FCER1A: variants seen among roughly 807,000 people sequenced by gnomAD.
FCER1A encodes the protein high affinity immunoglobulin epsilon receptor subunit alpha.
A neutral mutation model predicts 23.6 loss-of-function variants in FCER1A; 24 were observed. That is an observed-to-expected ratio of 1.02 (90% CI 0.74 to 1.43). FCER1A has a LOEUF of 1.43. Among genes scored for constraint, FCER1A ranks in the 40% most tolerant of loss-of-function variants. FCER1A has a pLI of 0.00. For missense variants in FCER1A, 318 were observed against 294.5 expected, an observed-to-expected ratio of 1.08 and a Z score of -0.58; for synonymous variants, 121 against 108.8, an observed-to-expected ratio of 1.11 and a Z score of -0.70.
chr1:159,293,324 G>A (rs768320362), intron 1 of FCER1A, among the ~76,000 whole-genome samples: 6 of 151,590 alleles, frequency 4.0e-5, no homozygotes, highest in Admixed American at 3.3e-4. Flanking sequence ...CTCCAATCTC[G>A]TTTTATGCCA....
chr1:159,306,907 G>A (rs1257548450), intron 4 of FCER1A, among the ~76,000 whole-genome samples: 1 of 152,142 alleles, frequency 6.6e-6, no homozygotes, highest in Non-Finnish European at 1.5e-5. Flanking sequence ...GTTTAAAAAA[G>A]CATGAGGTCA....
chr1:159,302,398 T>C lies in FCER1A; in HGVS notation c.34T>C (p.Cys12Arg), dbSNP rs762504841. 66 of 1,610,774 alleles carry C rather than the reference T, an allele frequency of 4.1e-5. No homozygotes were observed. The East Asian group carries it at 1.3e-3, about 31-fold the overall frequency. Reference protein sequence around the residue: ...APAMESPTLLCVALLFFAPDG... With the variant: ...APAMESPTLLRVALLFFAPDG... ...TGCCATGGAATCCCCTACTCTACTGTGTGTAGCCTTACTGTTCTTCGGTAA... is the reference window on the plus strand; with the variant it reads ...TGCCATGGAATCCCCTACTCTACTGCGTGTAGCCTTACTGTTCTTCGGTAA... The change falls in exon 1 of 5, where the codon TGT (cysteine) becomes CGT (arginine). Residue 12 changes from cysteine to arginine, a missense_variant. Coordinates refer to ENST00000693622, the MANE Select transcript of FCER1A (RefSeq NM_001387280.1).
At chr1:159,290,402 T>C (rs1418683529) in intron 1 of FCER1A, among the ~76,000 whole-genome samples, 1 of 151,974 alleles carries the variant, frequency 6.6e-6, no homozygotes, top group East Asian at 1.9e-4. Context: ...CAGTGTCAGA[T>C]TCTCCATCAG....
chr1:159,295,702 A>T (rs997753016), intron 1 of FCER1A, among the ~76,000 whole-genome samples: 5 of 152,184 alleles, frequency 3.3e-5, no homozygotes, highest in Non-Finnish European at 7.4e-5. Flanking sequence ...AGCTGTGATG[A>T]ATATCACTGG....
chr1:159,302,525 C>G, intron 1 of FCER1A, 106 bp downstream of exon 1: 1 of 851,700 alleles, frequency 1.2e-6, no homozygotes, highest in Admixed American at 1.7e-5. Context: ...AGGACATGTG[C>G]AAACTATTGG....
In FCER1A at chr1:159,294,968, T is replaced by C. The variant is rs561905642; in HGVS notation, c.-60+5215T>C. On this transcript the variant is annotated intron_variant, in intron 1 of 5. Coordinates refer to the FCER1A transcript ENST00000368115. ...CAGCAAACTATGATCAAATGCTAAC[T>C]TTAATGAGATAGCCCTTGATAATTC... Among the ~76,000 whole-genome samples, 52 of 152,310 alleles carry C rather than the reference T, an allele frequency of 3.4e-4. 1 individual carries two copies. The South Asian group carries it at 0.011, about 31-fold the overall frequency.
At chr1:159,283,952 C>T in the FCER1A span, among the ~76,000 whole-genome samples, 1 of 151,988 alleles carries the variant, frequency 6.6e-6, no homozygotes, top group Admixed American at 6.5e-5. Flanking sequence ...AAATGTGGGT[C>T]GCTGATGAAG....
At chr1:159,297,757 T>A (rs1652330479), upstream of FCER1A, among the ~76,000 whole-genome samples, 1 of 152,184 alleles carries the variant, frequency 6.6e-6, no homozygotes, top group Admixed American at 6.5e-5. Flanking sequence ...GTATTTTTTT[T>A]AGCTGGGTAT....
chr1:159,300,217 G>A (rs1197410426), upstream of FCER1A, among the ~76,000 whole-genome samples: 2 of 152,198 alleles, frequency 1.3e-5, no homozygotes, highest in African/African-American at 2.4e-5. Context: ...AGTACCTCTC[G>A]ATGAGCCCTG....
At chr1:159,290,442 T>C (rs193181259) in intron 1 of FCER1A, among the ~76,000 whole-genome samples, 1 of 152,282 alleles carries the variant, frequency 6.6e-6, no homozygotes, top group South Asian at 2.1e-4. Flanking sequence ...TCTCCATCAG[T>C]ATCTTGCCTC....
At chr1:159,294,355 T>C (rs753787384) in intron 1 of FCER1A, among the ~76,000 whole-genome samples, 1 of 152,200 alleles carries the variant, frequency 6.6e-6, no homozygotes, top group African/African-American at 2.4e-5. Flanking sequence ...TTTCTTTTTA[T>C]GGGGACTTTC....
chr1:159,302,832 T>C lies in FCER1A; in HGVS notation c.56-22T>C, dbSNP rs188572451. ...TAAAGAAGACTGCTGGACACTAATG[T>C]ATCCTCTCTGGACTTTTGCAGCTCC... On this transcript the variant is annotated intron_variant, in intron 1 of 4. Coordinates refer to ENST00000693622, the MANE Select transcript of FCER1A (RefSeq NM_001387280.1). The C allele has an allele frequency of 1.1e-3, 1,744 of 1,612,046 alleles. 8 individuals are homozygous for C. In the African/African-American group the frequency reaches 0.02, roughly 18 times the overall value.
At chr1:159,294,874 A>G (rs574898423) in intron 1 of FCER1A, among the ~76,000 whole-genome samples, 10 of 152,310 alleles carry the variant, frequency 6.6e-5, no homozygotes, top group African/African-American at 2.4e-4. Context: ...AAAAAACACT[A>G]TTAATAAACT....
upstream of FCER1A, among the ~76,000 whole-genome samples, chr1:159,287,021 A>C (rs1462516178): frequency 2.0e-5 from 3 of 152,204 alleles, no homozygotes; most frequent in Admixed American, 1.3e-4. Context: ...GATGGTGCCC[A>C]AAAGAGAAAA....
upstream of FCER1A, among the ~76,000 whole-genome samples, chr1:159,286,981 A>T (rs1652035363): frequency 6.6e-6 from 1 of 152,252 alleles, no homozygotes; most frequent in Non-Finnish European, 1.5e-5. Context: ...TAAGTAAAAA[A>T]GATTAATTCT....
intron 4 of FCER1A, among the ~76,000 whole-genome samples, chr1:159,307,355 G>C (rs558947171): frequency 6.6e-6 from 1 of 152,300 alleles, no homozygotes; most frequent in Non-Finnish European, 1.5e-5. Flanking sequence ...TGCCTAACAG[G>C]CATGTAAGAA....
chr1:159,293,869 A>G (rs1372857148), intron 1 of FCER1A, among the ~76,000 whole-genome samples: 1 of 152,004 alleles, frequency 6.6e-6, no homozygotes, highest in Non-Finnish European at 1.5e-5. Flanking sequence ...ACAAATTTAC[A>G]AGAAAAAAAA....
At chr1:159,302,247 G>A, upstream of FCER1A, 1 of 765,880 alleles carries the variant, frequency 1.3e-6, no homozygotes, top group Non-Finnish European at 2.3e-6. Context: ...ACCAGGCACA[G>A]CTGATGGGTT....
At chr1:159,307,551 G>C (rs1157476178) in intron 4 of FCER1A, among the ~76,000 whole-genome samples, 197 bp from the exon 5 acceptor site, 1 of 152,168 alleles carries the variant, frequency 6.6e-6, no homozygotes, top group Non-Finnish European at 1.5e-5. Context: ...AGGACTCCCT[G>C]TGGCTCCAGG....
Sources: allele counts gnomAD v4.1 joint callset (sites outside exome capture counted in the v4.1 genomes callset), GRCh38; gene constraint gnomAD v4.1.1; transcripts MANE v1.5; gene names NCBI Gene and HGNC (gene_info 2026-07-23, HGNC 2026-07-21).